Variants in TMEM132B observed in about 807,000 individuals in gnomAD.
TMEM132B encodes the protein transmembrane protein 132B.
A neutral mutation model predicts 90.8 loss-of-function variants in TMEM132B; 18 were observed. That is an observed-to-expected ratio of 0.20 (90% confidence interval 0.14 to 0.29). The LOEUF (loss-of-function observed/expected upper bound fraction) is 0.29, where lower values mean the gene tolerates loss of function less well. TMEM132B is among the 10% of genes least tolerant of loss of function. The pLI is 1.00. For synonymous variants in TMEM132B, 504 were observed against 523.3 expected (o/e 0.96, Z 0.50); for missense variants, 1,096 against 1,326.8 (o/e 0.83, Z 2.70).
intron 4 of TMEM132B, among the ~76,000 whole-genome samples, chr12:125,556,997 G>A (rs770922743): frequency 7.9e-5 from 12 of 151,536 alleles, no homozygotes; most frequent in African/African-American, 2.2e-4. Flanking sequence ...GAAGAAAAAC[G>A]AAGGAAAAAC....
At chr12:125,312,163 G>T (rs868610979) in intron 1 of TMEM132B, among the ~76,000 whole-genome samples, 1 of 152,186 alleles carries the variant, frequency 6.6e-6, no homozygotes, top group Non-Finnish European at 1.5e-5. Context: ...AATTCAGCCC[G>T]ATAGACTCTC....
At chr12:125,376,143 T>C (rs1300146756) in intron 2 of TMEM132B, among the ~76,000 whole-genome samples, 4 of 152,246 alleles carry the variant, frequency 2.6e-5, no homozygotes, top group Non-Finnish European at 5.9e-5. Context: ...TGGCTTGTTT[T>C]TGTTTTAAAT....
intron 1 of TMEM132B, among the ~76,000 whole-genome samples, chr12:125,248,429 A>T (rs1325312028): frequency 6.6e-6 from 1 of 152,238 alleles, no homozygotes; most frequent in East Asian, 1.9e-4. Flanking sequence ...GTAATATTTT[A>T]GATAGGTTAC....
intron 2 of TMEM132B, among the ~76,000 whole-genome samples, chr12:125,398,074 A>G (rs1343414108): frequency 3.3e-5 from 5 of 152,156 alleles, no homozygotes; most frequent in Admixed American, 3.3e-4. Flanking sequence ...CGGCATTTGC[A>G]TTGGGGGCAG....
At chr12:125,493,578 TG>T (rs1474417534) in intron 3 of TMEM132B, among the ~76,000 whole-genome samples, 3 of 151,878 alleles carry the variant, frequency 2.0e-5, no homozygotes, top group African/African-American at 7.3e-5. Flanking sequence ...GTGCTTGGGG[TG>T]GGGGTGGTTC....
chr12:125,335,890 G>A (rs1295827620), intron 1 of TMEM132B, among the ~76,000 whole-genome samples: 1 of 152,172 alleles, frequency 6.6e-6, no homozygotes, highest in African/African-American at 2.4e-5. Flanking sequence ...GGGAGGCTGA[G>A]GAAGGAGAAT....
intron 1 of TMEM132B, among the ~76,000 whole-genome samples, chr12:125,253,323 G>A (rs879729384): frequency 6.6e-6 from 1 of 152,046 alleles, no homozygotes; most frequent in Admixed American, 6.6e-5. Flanking sequence ...CCAGTTATTC[G>A]TCTGTGCAAA....
intron 5 of TMEM132B, among the ~76,000 whole-genome samples, chr12:125,590,550 G>A (rs1159313770): frequency 3.3e-5 from 5 of 152,180 alleles, no homozygotes; most frequent in Non-Finnish European, 7.3e-5. Context: ...TTGGCATCGG[G>A]TAAAGACTTG....
intron 1 of TMEM132B, among the ~76,000 whole-genome samples, chr12:125,201,107 A>G (rs977474522): frequency 6.6e-6 from 1 of 151,942 alleles, no homozygotes; most frequent in African/African-American, 2.4e-5. Flanking sequence ...ACCACCCCCC[A>G]TGCCCAGCCC....
chr12:125,298,767 T>C (rs1593074638), intron 1 of TMEM132B, among the ~76,000 whole-genome samples: 1 of 150,794 alleles, frequency 6.6e-6, no homozygotes, highest in Non-Finnish European at 1.5e-5. Flanking sequence ...GGGGTCTCTC[T>C]CTGTCACCCA....
Position 125,407,611 on chromosome 12 carries a change from C to G in TMEM132B, c.960-7920C>G, listed in dbSNP as rs1879538643. Among the ~76,000 whole-genome samples, 1 of 152,186 alleles carries G rather than the reference C, an allele frequency of 6.6e-6. No homozygotes were observed. The highest frequency in any genetic ancestry group is 1.5e-5 in the Non-Finnish European group (1 of 68,026). On this transcript the variant is annotated intron_variant, in intron 2 of 8. Coordinates refer to ENST00000682704, the MANE Select transcript of TMEM132B (RefSeq NM_001366854.1). This position sits in a 1 kb window ranked among gnomAD's most constrained non-coding sequence, Gnocchi z 6.7. ...AGCTAGAATGTCTCTCTCCCTGGTC[C>G]AACCAGGAGGGATGCTCATCTGGAC...
At chr12:125,635,914 C>G (rs1886467443) in intron 5 of TMEM132B, among the ~76,000 whole-genome samples, 1 of 152,144 alleles carries the variant, frequency 6.6e-6, no homozygotes, top group Non-Finnish European at 1.5e-5. Flanking sequence ...GGTATGGTTT[C>G]TCTTTCTGCT....
rs554479293 is a variant in TMEM132B, at chr12:125,337,395, G to C, written c.68-12057G>C. On this transcript the variant is annotated intron_variant, in intron 1 of 8. Transcript: ENST00000682704. The stretch of plus-strand genomic sequence containing the variant: ...TCCTCGCGTGGAGGTTCCAGGGCCG[G>C]GGCTCCTTCCAGGTGATGGCTTTGT... Among the ~76,000 whole-genome samples, 10 of 152,220 alleles carry C rather than the reference G, an allele frequency of 6.6e-5. No individual in the cohort carries two copies. In the East Asian group the frequency reaches 1.9e-3, roughly 29 times the overall value.
At chr12:125,302,396 A>G (rs1875853777) in intron 1 of TMEM132B, among the ~76,000 whole-genome samples, 1 of 152,022 alleles carries the variant, frequency 6.6e-6, no homozygotes, top group Non-Finnish European at 1.5e-5. Flanking sequence ...GGCTGAGACT[A>G]AAAGAACTGT....
intron 5 of TMEM132B, among the ~76,000 whole-genome samples, chr12:125,611,502 A>C (rs1454832438): frequency 2.6e-5 from 4 of 151,858 alleles, no homozygotes; most frequent in Non-Finnish European, 2.9e-5. Context: ...TTAGGTTATT[A>C]ATTTGAGAAC....
At chr12:125,491,065 C>T (rs555423045) in intron 3 of TMEM132B, among the ~76,000 whole-genome samples, 1 of 152,162 alleles carries the variant, frequency 6.6e-6, no homozygotes, top group African/African-American at 2.4e-5. Context: ...TGACTGCAGC[C>T]CTGGATGACA....
chr12:125,302,489 G>T (rs1875856217), intron 1 of TMEM132B, among the ~76,000 whole-genome samples: 2 of 152,118 alleles, frequency 1.3e-5, no homozygotes, highest in Admixed American at 6.6e-5. Context: ...GAGTTTTGGG[G>T]TTGTTCGTTA....
Position 125,488,804 on chromosome 12 carries a change from C to G in TMEM132B, c.1107-30635C>G, listed in dbSNP as rs569368870. On this transcript the variant is annotated intron_variant, in intron 3 of 8. Coordinates refer to ENST00000682704, the MANE Select transcript of TMEM132B (RefSeq NM_001366854.1). Reference sequence around the variant, plus strand: ...TTTTCTGGACTTGGCTTAGCCCACTCGTGTACCTATGGCAAACTGCCGGAT... The same window carrying G: ...TTTTCTGGACTTGGCTTAGCCCACTGGTGTACCTATGGCAAACTGCCGGAT... 3.7e-3 allele frequency among the ~76,000 whole-genome samples: 558 copies of G among 152,312 alleles called. 1 individual carries two copies. Among genetic ancestry groups the G allele is most frequent in the African/African-American group, 0.013 (527 of 41,570 alleles).
rs117174583 is a variant in TMEM132B at position 125,634,798 on chromosome 12, T to C, written c.1438-9278T>C. Among the ~76,000 whole-genome samples, 122 of 152,308 alleles carry C rather than the reference T, an allele frequency of 8.0e-4. No individual in the cohort carries two copies. The East Asian group carries it at 0.021, about 26-fold the overall frequency. On this transcript the variant is annotated intron_variant, in intron 5 of 8. Transcript: ENST00000682704. ...GTTGTGTCTGAGTTGCTATCCAAGATGCAAGACAAAGTTCTCCCCATTCTT... is the reference window on the plus strand; with the variant it reads ...GTTGTGTCTGAGTTGCTATCCAAGACGCAAGACAAAGTTCTCCCCATTCTT...
Sources: gnomAD v4.1 joint callset for allele counts (sites outside exome capture counted in the v4.1 genomes callset) on GRCh38, gnomAD v4.1.1 for gene constraint, Gnocchi (gnomAD v3.1) non-coding constraint, MANE v1.5 for transcripts, NCBI Gene and HGNC (gene_info 2026-07-23, HGNC 2026-07-21) for gene names.